Variants in ADAM32 observed in about 807,000 individuals in gnomAD.
ADAM32 encodes ADAM metallopeptidase domain 32.
ADAM32 carries 89 observed loss-of-function variants against 114.9 expected under a neutral mutation model. The observed-to-expected ratio is 0.77, with a 90% CI of 0.65 to 0.92. The LOEUF (loss-of-function observed/expected upper bound fraction) is 0.92, where lower values mean the gene tolerates loss of function less well. ADAM32 is among the 40% of genes least tolerant of loss of function. The probability of loss-of-function intolerance (pLI) is 0.00; values close to 1 mark genes in which losing one functional copy is unlikely to be tolerated. For synonymous variants in ADAM32, 285 were observed against 307.5 expected (o/e 0.93, Z 0.77); for missense variants, 870 against 932.8 (o/e 0.93, Z 0.88).
intron 9 of ADAM32, chr8:39,168,978 TAAAACC>T (rs916018162): frequency 1.3e-5 from 2 of 152,178 alleles, no homozygotes; most frequent in Non-Finnish European, 2.9e-5. Context: ...TGTTGGAACA[TAAAACC>T]AATGTTTGGC....
chr8:39,149,744 A>T (rs766228915), intron 4 of ADAM32, 47 bp from the exon 5 acceptor site: 2 of 1,374,882 alleles, frequency 1.5e-6, no homozygotes, highest in South Asian at 2.5e-5. Context: ...ATCACTAGAA[A>T]GTTTTGTTAC....
At chr8:39,251,828 C>T (rs536337044) in intron 17 of ADAM32, among the ~76,000 whole-genome samples, 52 of 151,668 alleles carry the variant, frequency 3.4e-4, no homozygotes, top group Non-Finnish European at 6.9e-4. Context: ...TACATTTTCT[C>T]CTGGTAATTT....
intron 17 of ADAM32, among the ~76,000 whole-genome samples, chr8:39,249,780 G>C (rs1199097908): frequency 6.6e-6 from 1 of 152,026 alleles, no homozygotes; most frequent in Non-Finnish European, 1.5e-5. Context: ...AATCTCTTCT[G>C]ACATTTATTT....
chr8:39,126,602 T>C (rs997116525), intron 2 of ADAM32, among the ~76,000 whole-genome samples: 4 of 152,204 alleles, frequency 2.6e-5, no homozygotes, highest in Non-Finnish European at 5.9e-5. Flanking sequence ...TTTCTAGATA[T>C]AGGATCATGT....
chr8:39,168,492 G>C (rs999062049), intron 9 of ADAM32: 1 of 152,184 alleles, frequency 6.6e-6, no homozygotes, highest in South Asian at 2.1e-4. Context: ...ACAGTTTGCT[G>C]TTTAATCATA....
At chr8:39,163,760 C>T (rs1475906244) in intron 7 of ADAM32, among the ~76,000 whole-genome samples, 1 of 152,076 alleles carries the variant, frequency 6.6e-6, no homozygotes, top group Non-Finnish European at 1.5e-5. Flanking sequence ...ATACCATTCA[C>T]TAAAGTAGTG....
chr8:39,126,972 T>C (rs1466793141), intron 2 of ADAM32, among the ~76,000 whole-genome samples: 1 of 152,214 alleles, frequency 6.6e-6, no homozygotes, highest in East Asian at 1.9e-4. Flanking sequence ...GAATCACACT[T>C]GTTGATTTGC....
intron 12 of ADAM32, among the ~76,000 whole-genome samples, chr8:39,214,193 G>A (rs1420123124): frequency 2.0e-5 from 3 of 152,066 alleles, no homozygotes; most frequent in East Asian, 3.8e-4. Context: ...ATTCTTTTGG[G>A]TACATACCTA....
At chr8:39,259,281 C>A (rs1038825860) in intron 19 of ADAM32, among the ~76,000 whole-genome samples, 14 of 151,958 alleles carry the variant, frequency 9.2e-5, no homozygotes, top group African/African-American at 3.1e-4. Context: ...CTCACTGCAA[C>A]CTTAGCTCGC....
At chr8:39,278,961 A>G (rs1813260383) in intron 22 of ADAM32, among the ~76,000 whole-genome samples, 1 of 152,090 alleles carries the variant, frequency 6.6e-6, no homozygotes, top group Non-Finnish European at 1.5e-5. Context: ...TGTGCCATGT[A>G]CTGTCATTGA....
rs899111974 is a variant in ADAM32 at position 39,212,120 on chromosome 8, G to A, written c.1233+796G>A. 7.9e-5 allele frequency among the ~76,000 whole-genome samples: 12 copies of A among 152,122 alleles called. No individual in the cohort carries two copies. In the East Asian group the frequency reaches 1.9e-3, roughly 24 times the overall value. ...CAACCTCCGCCTCCTGGGTTCAAGC[G>A]GTTCTCCTGCCTCAGCCTCCCAAGT... On this transcript the variant is annotated intron_variant, in intron 12 of 24. Coordinates refer to ENST00000379907, the MANE Select transcript of ADAM32 (RefSeq NM_145004.7).
intron 14 of ADAM32, chr8:39,223,949 T>G (rs1050342176): frequency 6.6e-6 from 1 of 152,160 alleles, no homozygotes; most frequent in African/African-American, 2.4e-5. Context: ...TCCAGGTTCA[T>G]CTGTGTTACT....
At chr8:39,244,691 G>C (rs1810781489) in intron 16 of ADAM32, among the ~76,000 whole-genome samples, 1 of 152,108 alleles carries the variant, frequency 6.6e-6, no homozygotes, top group Non-Finnish European at 1.5e-5. Context: ...CACACACCGG[G>C]GCCTGTTGTG....
intron 2 of ADAM32, among the ~76,000 whole-genome samples, chr8:39,133,927 G>A (rs1179745986): frequency 6.6e-6 from 1 of 152,200 alleles, no homozygotes; most frequent in East Asian, 1.9e-4. Context: ...GCGTGAGGTT[G>A]CTGTCAGTGC....
intron 5 of ADAM32, among the ~76,000 whole-genome samples, 177 bp downstream of exon 5, chr8:39,150,044 C>G (rs944836850): frequency 6.6e-6 from 1 of 152,150 alleles, no homozygotes; most frequent in African/African-American, 2.4e-5. Context: ...TCCTCAGTGA[C>G]CAGAGACATT....
At position 39,177,160 on chromosome 8, in the gene ADAM32, A is replaced by G. The variant is rs183800822; in HGVS notation, c.915+7163A>G. On this transcript the variant is annotated intron_variant, in intron 10 of 24. Coordinates refer to ENST00000379907, the MANE Select transcript of ADAM32 (RefSeq NM_145004.7). Reference sequence around the variant, plus strand: ...CTGCAACCTCTGCCTCCCAGGTTCAAGAGATTCTCTTGCCTCAGCCTCCCA... The same window carrying G: ...CTGCAACCTCTGCCTCCCAGGTTCAGGAGATTCTCTTGCCTCAGCCTCCCA... Among the ~76,000 whole-genome samples the G allele has an allele frequency of 4.6e-5, 7 of 151,970 alleles. No homozygotes were observed. The East Asian group carries it at 1.4e-3, about 29-fold the overall frequency.
intron 12 of ADAM32, among the ~76,000 whole-genome samples, chr8:39,218,541 G>A (rs554597688): frequency 1.3e-5 from 2 of 152,206 alleles, no homozygotes; most frequent in South Asian, 2.1e-4. Flanking sequence ...TACACCTGGT[G>A]TTCTGTTCTA....
chr8:39,223,711 A>G (rs1050235161), intron 14 of ADAM32: 3 of 152,122 alleles, frequency 2.0e-5, no homozygotes, highest in African/African-American at 7.2e-5. Flanking sequence ...GTCGTTTACT[A>G]AAGTCACATT....
At chr8:39,268,701 C>T (rs1361557386) in intron 19 of ADAM32, among the ~76,000 whole-genome samples, 1 of 152,128 alleles carries the variant, frequency 6.6e-6, no homozygotes, top group Non-Finnish European at 1.5e-5. Context: ...CCTATGATTT[C>T]TTCTAAAAGT....
Sources: gnomAD v4.1 joint callset for allele counts (sites outside exome capture counted in the v4.1 genomes callset) on GRCh38, gnomAD v4.1.1 for gene constraint, MANE v1.5 for transcripts, NCBI Gene and HGNC (gene_info 2026-07-23, HGNC 2026-07-21) for gene names.